The following PTPRD variants were observed in gnomAD, a reference collection of about 807,000 sequenced individuals.
PTPRD encodes protein tyrosine phosphatase receptor type D, also known as receptor-type tyrosine-protein phosphatase delta.
In PTPRD, 34 loss-of-function variants were observed where a neutral mutation model predicts 214.5. The ratio of observed to expected loss-of-function variants is 0.16; its 90% CI spans 0.12 to 0.21. The LOEUF is 0.21. Ranked by LOEUF, PTPRD falls within the 10% of genes least tolerant of loss-of-function variation. The pLI, the probability that PTPRD is intolerant of heterozygous loss-of-function variation, is 1.00. For missense variants in PTPRD, 2,545 were observed against 2,398.7 expected (o/e 1.06, Z -1.27); for synonymous variants, 1,128 against 845.7 (o/e 1.33, Z -5.79).
intron 8 of PTPRD, among the ~76,000 whole-genome samples, chr9:9,565,042 A>G (rs1225054398): frequency 6.6e-6 from 1 of 151,502 alleles, no homozygotes; most frequent in African/African-American, 2.4e-5. Flanking sequence ...TGTCCTGATA[A>G]CTAACTTAAT....
chr9:10,088,009 C>T (rs1404451291), intron 3 of PTPRD, among the ~76,000 whole-genome samples: 1 of 151,714 alleles, frequency 6.6e-6, no homozygotes, highest in Non-Finnish European at 1.5e-5. Flanking sequence ...AATATGCTTG[C>T]AATACTTAGC....
At chr9:8,836,921 G>C (rs1381885757) in intron 11 of PTPRD, among the ~76,000 whole-genome samples, 1 of 151,556 alleles carries the variant, frequency 6.6e-6, no homozygotes, top group Non-Finnish European at 1.5e-5. Context: ...CTAAGACCAA[G>C]TCCCATCTCA....
At chr9:10,017,732 T>C (rs1358734033) in intron 4 of PTPRD, among the ~76,000 whole-genome samples, 1 of 152,158 alleles carries the variant, frequency 6.6e-6, no homozygotes, top group African/African-American at 2.4e-5. Flanking sequence ...CTTTACTTAT[T>C]TCTGTATTAC....
chr9:9,090,982 T>G lies in PTPRD; in HGVS notation c.-142-72247A>C, dbSNP rs2099774759. 6 of 1,576,608 alleles carry G rather than the reference T, an allele frequency of 3.8e-6. No homozygotes were observed. The Admixed American group carries it at 1.0e-4, about 26-fold the overall frequency. On this transcript the variant is annotated intron_variant, in intron 10 of 45. Coordinates refer to ENST00000381196, the MANE Select transcript of PTPRD (RefSeq NM_002839.4). Reference sequence around the variant, plus strand: ...TATTCGCTGCACTAACTGTGCCCGATGCATGCCCAAGGACAAGGCCATTAA... The same window carrying G: ...TATTCGCTGCACTAACTGTGCCCGAGGCATGCCCAAGGACAAGGCCATTAA...
chr9:10,589,856 C>T lies in PTPRD; in HGVS notation c.-600+22542G>A, dbSNP rs368412394. On this transcript the variant is annotated intron_variant, in intron 2 of 45. Transcript: ENST00000381196. ...GAACAGGTGAAATATCTGCCTGGAACGCCTAAGAATATTTAGCATGTTTTA... is the reference window on the plus strand; with the variant it reads ...GAACAGGTGAAATATCTGCCTGGAATGCCTAAGAATATTTAGCATGTTTTA... Among the ~76,000 whole-genome samples the T allele has an allele frequency of 2.8e-4, 43 of 152,112 alleles. 1 individual carries two copies. The highest frequency in any genetic ancestry group is 7.9e-4 in the Admixed American group (12 of 15,252).
chr9:8,713,661 C>T, intron 12 of PTPRD: 4 of 1,507,002 alleles, frequency 2.7e-6, no homozygotes, highest in Non-Finnish European at 3.7e-6. Flanking sequence ...GCGCCCGGCA[C>T]CGCGCCCGGG....
At chr9:8,644,107 G>A (rs1410833220) in intron 12 of PTPRD, among the ~76,000 whole-genome samples, 1 of 152,146 alleles carries the variant, frequency 6.6e-6, no homozygotes, top group African/African-American at 2.4e-5. Context: ...CTGCAAAAAG[G>A]CACGACTCTC....
At chr9:8,532,435 G>C (rs1789983516) in intron 14 of PTPRD, among the ~76,000 whole-genome samples, 1 of 151,920 alleles carries the variant, frequency 6.6e-6, no homozygotes, top group Non-Finnish European at 1.5e-5. Flanking sequence ...CCTCAAATGT[G>C]TGGTACCAGG....
intron 5 of PTPRD, among the ~76,000 whole-genome samples, chr9:9,922,853 T>C (rs866846096): frequency 1.3e-5 from 2 of 151,970 alleles, no homozygotes; most frequent in Non-Finnish European, 2.9e-5. Context: ...TGAAGAGATA[T>C]GACAACTAAT....
At chr9:9,028,404 C>T (rs907738257) in intron 10 of PTPRD, among the ~76,000 whole-genome samples, 6 of 151,918 alleles carry the variant, frequency 3.9e-5, no homozygotes, top group Admixed American at 2.6e-4. Context: ...GTTACTTTTA[C>T]ATTTCTGATA....
chr9:8,975,200 A>C (rs2099261819), intron 11 of PTPRD, among the ~76,000 whole-genome samples: 1 of 152,060 alleles, frequency 6.6e-6, no homozygotes. Context: ...TGTGTAAATA[A>C]ACTTCTACTT....
intron 12 of PTPRD, among the ~76,000 whole-genome samples, chr9:8,706,784 G>A (rs2098219373): frequency 1.3e-5 from 2 of 152,188 alleles, no homozygotes; most frequent in South Asian, 2.1e-4. Flanking sequence ...CATCTGCATA[G>A]CTTGGCGTCC....
At chr9:8,861,094 T>C (rs920215070) in intron 11 of PTPRD, 16 of 152,340 alleles carry the variant, frequency 1.1e-4, no homozygotes, top group African/African-American at 3.8e-4. Flanking sequence ...CTACCCCCTC[T>C]AGTGCATAAT....
intron 7 of PTPRD, among the ~76,000 whole-genome samples, chr9:9,589,932 A>G (rs979948547): frequency 8.6e-5 from 13 of 151,922 alleles, no homozygotes; most frequent in African/African-American, 2.9e-4. Context: ...CATCTCGGCA[A>G]TATCTATCCA....
chr9:8,582,399 G>T (rs1458909436), intron 14 of PTPRD, among the ~76,000 whole-genome samples: 2 of 152,172 alleles, frequency 1.3e-5, no homozygotes, highest in Admixed American at 1.3e-4. Flanking sequence ...ATCTAATACT[G>T]TATATTTGAC....
At chr9:9,586,949 A>G (rs1029786894) in intron 7 of PTPRD, among the ~76,000 whole-genome samples, 1 of 152,012 alleles carries the variant, frequency 6.6e-6, no homozygotes, top group African/African-American at 2.4e-5. Context: ...CCTAAGTGTC[A>G]TTTCAGATAC....
chr9:10,380,782 A>T (rs1009483687), intron 2 of PTPRD, among the ~76,000 whole-genome samples: 1 of 35,170 alleles, frequency 2.8e-5, no homozygotes, highest in Non-Finnish European at 5.5e-5. Context: ...TAAATATCAC[A>T]ACAATTTCCA....
intron 14 of PTPRD, among the ~76,000 whole-genome samples, chr9:8,538,742 G>T (rs1162774680): frequency 2.0e-5 from 3 of 151,542 alleles, no homozygotes; most frequent in African/African-American, 4.8e-5. Flanking sequence ...TATAAACTTA[G>T]CAAAGACATC....
At chr9:10,336,695 G>T (rs1002056091) in intron 3 of PTPRD, among the ~76,000 whole-genome samples, 8 of 151,348 alleles carry the variant, frequency 5.3e-5, no homozygotes, top group Non-Finnish European at 8.9e-5. Context: ...AAAAAAAATC[G>T]AGGAGGGGAG....
Sources: allele counts gnomAD v4.1 joint callset (sites outside exome capture counted in the v4.1 genomes callset), GRCh38; gene constraint gnomAD v4.1.1; transcripts MANE v1.5; gene names NCBI Gene and HGNC (gene_info 2026-07-23, HGNC 2026-07-21).